Variants in PHKA1 observed in about 807,000 individuals in gnomAD.
PHKA1 encodes phosphorylase kinase regulatory subunit alpha 1.
PHKA1 carries 60 observed loss-of-function variants against 110.2 expected under a neutral mutation model. That is an observed-to-expected ratio of 0.54 (90% confidence interval 0.44 to 0.68). The LOEUF (loss-of-function observed/expected upper bound fraction) is 0.68, where lower values mean the gene tolerates loss of function less well. PHKA1 is among the 30% of genes least tolerant of loss of function. PHKA1 has a pLI of 0.00. For synonymous variants in PHKA1, 316 were observed against 333.6 expected, an observed-to-expected ratio of 0.95 and a Z score of 0.58; for missense variants, 801 against 942.5, an observed-to-expected ratio of 0.85 and a Z score of 1.97.
intron 4 of PHKA1, among the ~76,000 whole-genome samples, chrX:72,686,582 T>A (rs1324202949): frequency 8.9e-6 from 1 of 111,972 alleles, no homozygotes; most frequent in East Asian, 2.8e-4. Flanking sequence ...TTGCAATGAG[T>A]ATTTGTGGAA....
chrX:72,641,987 T>A (rs782501326), intron 14 of PHKA1, among the ~76,000 whole-genome samples: 41 of 112,046 alleles, frequency 3.7e-4, no homozygotes, highest in African/African-American at 1.3e-3. Context: ...TTCCATAGCA[T>A]CTAGCCCAGT....
Position 72,680,013 on chromosome X carries a change from CT to C in PHKA1, c.538-3864del, listed in dbSNP as rs781909627. On this transcript the variant is annotated intron_variant, in intron 5 of 31. Coordinates refer to ENST00000373542, the MANE Select transcript of PHKA1 (RefSeq NM_002637.4). Reference sequence around the variant, plus strand: ...TGTTTAAAGTCAGTAATAAAAGAAACTTTTTTTTTTTTTTTGAGACAGAGTC... The same window carrying C: ...TGTTTAAAGTCAGTAATAAAAGAAACTTTTTTTTTTTTTTGAGACAGAGTC... 5.4e-3 allele frequency among the ~76,000 whole-genome samples: 542 copies of C among 101,008 alleles called. 1 individual carries two copies. Among genetic ancestry groups the C allele is most frequent in the African/African-American group, 0.014 (393 of 28,022 alleles). 87.7% of individuals were successfully genotyped at this position (101,008 alleles called of 115,157 possible).
At chrX:72,650,631 C>A (rs957920897) in intron 12 of PHKA1, among the ~76,000 whole-genome samples, 163 bp from the exon 13 acceptor site, 8 of 112,402 alleles carry the variant, frequency 7.1e-5, no homozygotes, top group African/African-American at 2.6e-4. Context: ...TTTGAATTCC[C>A]AAATTCACAC....
At chrX:72,713,086 T>A (rs1354161766) in intron 1 of PHKA1, 149 bp from the exon 2 acceptor site, 5 of 541,377 alleles carry the variant, frequency 9.2e-6, no homozygotes, top group Non-Finnish European at 1.2e-5. Context: ...TCTGACCTAT[T>A]GCAGGCAAAT....
rs782141121 is a variant in PHKA1, at chrX:72,582,611, A to C, written c.3298-13T>G. On this transcript the variant is annotated splice_polypyrimidine_tract_variant and intron_variant, in intron 30 of 31. Transcript: ENST00000373542. ...CACCTGGAGTCATCTGTGATAGAGA[A>C]AAAGAAAATCACTTCCTAAGAGTCC... The C allele has an allele frequency of 3.6e-6, 4 of 1,102,192 alleles. No homozygotes were observed. Among genetic ancestry groups the C allele is most frequent in the Non-Finnish European group, 5.0e-6 (4 of 797,900 alleles). 90.8% of individuals were successfully genotyped at this position (1,102,192 alleles called of 1,213,427 possible). A position where few individuals can be genotyped will look rare whatever the true frequency, so the allele number is the denominator to read the frequency against.
At chrX:72,587,795 TA>T (rs1355092310) in intron 29 of PHKA1, among the ~76,000 whole-genome samples, 1 of 111,105 alleles carries the variant, frequency 9.0e-6, no homozygotes, top group Non-Finnish European at 1.9e-5. Context: ...TAGTCTCTGA[TA>T]AAACAGACTT....
chrX:72,683,435 CAG>C lies in PHKA1; in HGVS notation c.537+1061_537+1062del, dbSNP rs200090681. 9.7e-3 allele frequency among the ~76,000 whole-genome samples: 1,088 copies of C among 111,757 alleles called. 14 individuals are homozygous for C. The highest frequency in any genetic ancestry group is 0.033 in the African/African-American group (1,024 of 30,705). On this transcript the variant is annotated intron_variant, in intron 5 of 31. Transcript: ENST00000373542. ...CCTGGGCAACAGACAAAAACAGAAA[CAG>C]AAATGGAAACACAGATTCAACAAAT... is the stretch of plus-strand genomic sequence containing the variant.
In PHKA1 at chrX:72,714,216, C is replaced by G. The variant is rs1281272227; in HGVS notation, c.-336G>C. 2 of 214,665 alleles carry G rather than the reference C, an allele frequency of 9.3e-6. No individual in the cohort carries two copies. Among genetic ancestry groups the G allele is most frequent in the Non-Finnish European group, 1.7e-5 (2 of 118,374 alleles). 17.7% of individuals were successfully genotyped at this position (214,665 alleles called of 1,213,427 possible). A position where few individuals can be genotyped will look rare whatever the true frequency, so the allele number is the denominator to read the frequency against. Reference sequence around the variant, plus strand: ...CATCCTCCCCTCAACCCCGGGAGACCGCCGCGGCCCACAGCCTCCCGCCCG... The same window carrying G: ...CATCCTCCCCTCAACCCCGGGAGACGGCCGCGGCCCACAGCCTCCCGCCCG... On this transcript the variant is annotated 5_prime_UTR_variant, in exon 1 of 32. Transcript: ENST00000373542.
intron 2 of PHKA1, among the ~76,000 whole-genome samples, chrX:72,706,221 T>G (rs1353870047): frequency 8.9e-6 from 1 of 112,312 alleles, no homozygotes. Flanking sequence ...AAATGGTTTC[T>G]GTGGGAGAGT....
Position 72,652,571 on chromosome X carries a change from T to C in PHKA1, c.1218A>G (p.Leu406=), listed in dbSNP as rs1408733296. 10 of 1,180,527 alleles carry C rather than the reference T, an allele frequency of 8.5e-6. No individual in the cohort carries two copies. In the African/African-American group the frequency reaches 1.2e-4, roughly 15 times the overall value. ...CTGCCATCAAGCTTCCTAAAATGTA[T>C]AGAGACTGACCCCACATGTGAGGCA... The part of the protein sequence containing the change: ...GKLPHMWGQS[L]YILGSLMAEG... Residue 406 remains leucine (L), a synonymous_variant, in exon 12 of 32, where the codon CTA becomes CTG. Coordinates refer to ENST00000373542, the MANE Select transcript of PHKA1 (RefSeq NM_002637.4).
chrX:72,594,821 ATAG>A (rs1404434576), intron 28 of PHKA1, among the ~76,000 whole-genome samples: 1 of 112,457 alleles, frequency 8.9e-6, no homozygotes, highest in Non-Finnish European at 1.9e-5. Context: ...ACGTTCCCAC[ATAG>A]TAGTAAAGCC....
chrX:72,620,799 C>G lies in PHKA1; in HGVS notation c.2063G>C (p.Arg688Pro). Residue 688 changes from arginine to proline, a missense_variant, in exon 19 of 32, where the codon CGG becomes CCG. Physicochemically the swap from Arg to Pro is moderately radical, Grantham distance 103. Transcript: ENST00000373542. Reference protein sequence around the residue: ...APTSQKGGLDRFQAAVQTTCD... With the variant: ...APTSQKGGLDPFQAAVQTTCD... ...GGTTGTTTGCACAGCAGCTTGGAAC[C>G]GATCTAGCCCTCCCTTCTGTGAGGT... 8.3e-7 allele frequency: 1 copy of G among 1,210,083 alleles called. No individual in the cohort carries two copies. The highest frequency in any genetic ancestry group is 1.1e-6 in the Non-Finnish European group (1 of 894,793).
chrX:72,674,686 T>A (rs1466689158), intron 6 of PHKA1, among the ~76,000 whole-genome samples: 1 of 111,973 alleles, frequency 8.9e-6, no homozygotes, highest in Non-Finnish European at 1.9e-5. Flanking sequence ...TTTGAGGAAT[T>A]TTTCCTATAA....
At chrX:72,712,997 G>C (rs2054406264) in intron 1 of PHKA1, 60 bp from the exon 2 acceptor site, 3 of 1,148,472 alleles carry the variant, frequency 2.6e-6, no homozygotes, top group Non-Finnish European at 3.6e-6. Flanking sequence ...TCAGGAAACA[G>C]AATCTTCCAA....
chrX:72,711,637 G>A (rs891430746), intron 2 of PHKA1, among the ~76,000 whole-genome samples: 2 of 111,189 alleles, frequency 1.8e-5, no homozygotes, highest in East Asian at 5.7e-4. Flanking sequence ...CCAGCTACTC[G>A]GGAGGCTGAG....
intron 21 of PHKA1, among the ~76,000 whole-genome samples, chrX:72,613,931 G>A (rs2052851416): frequency 8.9e-6 from 1 of 111,812 alleles, no homozygotes; most frequent in Non-Finnish European, 1.9e-5. Flanking sequence ...CCTCACAAAT[G>A]TTAACAACAT....
At chrX:72,711,107 C>T (rs1367153962) in intron 2 of PHKA1, among the ~76,000 whole-genome samples, 2 of 108,995 alleles carry the variant, frequency 1.8e-5, no homozygotes, top group Admixed American at 2.0e-4. Flanking sequence ...GTGATCCGCC[C>T]GCCTCGGCCT....
chrX:72,586,836 C>A (rs1420070588), intron 29 of PHKA1, among the ~76,000 whole-genome samples: 2 of 109,716 alleles, frequency 1.8e-5, no homozygotes, highest in African/African-American at 6.6e-5. Flanking sequence ...ATATCAGTGA[C>A]TGAAGACTGA....
intron 6 of PHKA1, among the ~76,000 whole-genome samples, chrX:72,668,632 T>A: frequency 9.0e-6 from 1 of 111,717 alleles, no homozygotes; most frequent in Middle Eastern, 4.7e-3. Flanking sequence ...GTTTTGAAAG[T>A]CTTCCCTGAA....
Sources: allele counts gnomAD v4.1 joint callset (sites outside exome capture counted in the v4.1 genomes callset), GRCh38; gene constraint gnomAD v4.1.1; transcripts MANE v1.5; gene names NCBI Gene and HGNC (gene_info 2026-07-23, HGNC 2026-07-21).